LRFN5: variants seen among roughly 807,000 people sequenced by gnomAD.
LRFN5 encodes leucine rich repeat and fibronectin type III domain containing 5.
A neutral mutation model predicts 45.6 loss-of-function variants in LRFN5; 24 were observed. That is an observed-to-expected ratio of 0.53 (90% confidence interval 0.38 to 0.74). The LOEUF is 0.74. LRFN5 is among the 30% of genes least tolerant of loss of function. LRFN5 has a pLI of 0.00. For synonymous variants in LRFN5, 340 were observed against 313.8 expected, an observed-to-expected ratio of 1.08 and a Z score of -0.88; for missense variants, 776 against 861.5, an observed-to-expected ratio of 0.90 and a Z score of 1.24.
At chr14:41,822,524 T>C (rs1243074133) in intron 2 of LRFN5, among the ~76,000 whole-genome samples, 3 of 152,094 alleles carry the variant, frequency 2.0e-5, no homozygotes, top group Admixed American at 2.0e-4. Context: ...GTTGATATGA[T>C]TTTTATTTTG....
intron 2 of LRFN5, among the ~76,000 whole-genome samples, chr14:41,776,805 G>A (rs2138906389): frequency 6.6e-6 from 1 of 152,078 alleles, no homozygotes; most frequent in South Asian, 2.1e-4. Context: ...AAGAAATAAA[G>A]ATATTTTCCT....
At chr14:41,621,011 A>G (rs1888115633) in intron 1 of LRFN5, among the ~76,000 whole-genome samples, 1 of 152,090 alleles carries the variant, frequency 6.6e-6, no homozygotes, top group Admixed American at 6.6e-5. Context: ...GCCATAAAGC[A>G]CTAAAATTTA....
intron 1 of LRFN5, among the ~76,000 whole-genome samples, chr14:41,670,854 G>A (rs56168982): frequency 0.033 from 5,011 of 151,970 alleles, 143 homozygotes; most frequent in African/African-American, 0.085. Context: ...GATGAATTCT[G>A]TTACATTACA....
At chr14:41,747,779 A>G (rs1015615506) in intron 1 of LRFN5, among the ~76,000 whole-genome samples, 3 of 152,020 alleles carry the variant, frequency 2.0e-5, no homozygotes, top group Non-Finnish European at 4.4e-5. Flanking sequence ...ACAAGTTATT[A>G]ATATCCTGAA....
At chr14:41,697,570 G>A (rs552926614) in intron 1 of LRFN5, among the ~76,000 whole-genome samples, 156 of 151,124 alleles carry the variant, frequency 1.0e-3, no homozygotes, top group African/African-American at 3.7e-3. Context: ...CTTTCATGTG[G>A]ATTGACTTGT....
intron 2 of LRFN5, among the ~76,000 whole-genome samples, chr14:41,825,652 A>T (rs142858120): frequency 6.6e-6 from 1 of 152,238 alleles, no homozygotes; most frequent in African/African-American, 2.4e-5. Flanking sequence ...GGATCAAGGG[A>T]TATGAATACA....
chr14:41,784,880 C>T (rs1886663337), intron 2 of LRFN5, among the ~76,000 whole-genome samples: 1 of 152,168 alleles, frequency 6.6e-6, no homozygotes, highest in Admixed American at 6.5e-5. Flanking sequence ...CTGTCAGCCT[C>T]ATTCTCCCAA....
chr14:41,895,082 T>C (rs1890895860), intron 4 of LRFN5: 1 of 982,022 alleles, frequency 1.0e-6, no homozygotes, highest in Non-Finnish European at 1.2e-6. Context: ...TTTCCTGTTA[T>C]GCATGTATTA....
chr14:41,655,173 A>G (rs1416194498), intron 1 of LRFN5, among the ~76,000 whole-genome samples: 1 of 151,964 alleles, frequency 6.6e-6, no homozygotes, highest in Non-Finnish European at 1.5e-5. Flanking sequence ...GGTGTAGGGG[A>G]GATAGACTCC....
At chr14:41,833,378 C>T (rs1171375470) in intron 2 of LRFN5, among the ~76,000 whole-genome samples, 1 of 152,140 alleles carries the variant, frequency 6.6e-6, no homozygotes, top group Non-Finnish European at 1.5e-5. Flanking sequence ...AGAGGTCTAG[C>T]CACATCCGCC....
At chr14:41,838,129 A>G (rs1054771836) in intron 2 of LRFN5, among the ~76,000 whole-genome samples, 1 of 152,218 alleles carries the variant, frequency 6.6e-6, no homozygotes, top group Non-Finnish European at 1.5e-5. Context: ...ATTTTTTAAC[A>G]TCTACAAAAA....
intron 1 of LRFN5, among the ~76,000 whole-genome samples, chr14:41,612,627 C>T (rs1425980458): frequency 6.6e-6 from 1 of 152,118 alleles, no homozygotes; most frequent in African/African-American, 2.4e-5. Context: ...AGTGAGACTT[C>T]TTATTCTGGT....
At chr14:41,796,319 A>T (rs1434171994) in intron 2 of LRFN5, among the ~76,000 whole-genome samples, 1 of 151,980 alleles carries the variant, frequency 6.6e-6, no homozygotes, top group East Asian at 1.9e-4. Flanking sequence ...TGTTATTCAG[A>T]TATTACCAGC....
intron 5 of LRFN5, among the ~76,000 whole-genome samples, chr14:41,900,765 A>G (rs1041014651): frequency 6.6e-6 from 1 of 152,138 alleles, no homozygotes; most frequent in Non-Finnish European, 1.5e-5. Flanking sequence ...GATTTGTGCT[A>G]TAGCAGGCCT....
chr14:41,653,524 G>A (rs866427730), intron 1 of LRFN5, among the ~76,000 whole-genome samples: 5 of 152,180 alleles, frequency 3.3e-5, no homozygotes, highest in Middle Eastern at 3.4e-3. Context: ...TTTAAAGGAT[G>A]GAAACAAGGT....
chr14:41,627,226 C>G (rs1888364661), intron 1 of LRFN5, among the ~76,000 whole-genome samples: 1 of 152,050 alleles, frequency 6.6e-6, no homozygotes, highest in African/African-American at 2.4e-5. Context: ...GGCTGTGCAG[C>G]TTATCACCAG....
intron 1 of LRFN5, among the ~76,000 whole-genome samples, chr14:41,622,987 A>G (rs1888188019): frequency 6.6e-6 from 1 of 152,126 alleles, no homozygotes; most frequent in African/African-American, 2.4e-5. Context: ...GATATACCAT[A>G]TTTTGTATTG....
chr14:41,620,655 A>G (rs1400707573), intron 1 of LRFN5, among the ~76,000 whole-genome samples: 1 of 149,330 alleles, frequency 6.7e-6, no homozygotes, highest in Non-Finnish European at 1.5e-5. Context: ...TTAAATAGCT[A>G]TGTGAGTATA....
rs182251920 is a variant in LRFN5, at chr14:41,754,742, C to A, written c.-196-12112C>A. Among the ~76,000 whole-genome samples the A allele has an allele frequency of 2.5e-4, 38 of 151,880 alleles. No individual in the cohort carries two copies. The South Asian group carries it at 5.2e-3, about 21-fold the overall frequency. On this transcript the variant is annotated intron_variant, in intron 1 of 5. Coordinates refer to ENST00000298119, the MANE Select transcript of LRFN5 (RefSeq NM_152447.5). ...CTCCTGGATTCATTGATTTTTGAAG[C>A]GTTTTTTGTGTCTCTGTTTCCTTCA...
Sources: allele counts gnomAD v4.1 joint callset (sites outside exome capture counted in the v4.1 genomes callset), GRCh38; gene constraint gnomAD v4.1.1; transcripts MANE v1.5; gene names NCBI Gene and HGNC (gene_info 2026-07-23, HGNC 2026-07-21).